SHTN1: variants seen among roughly 807,000 people sequenced by gnomAD.
SHTN1 encodes shootin-1.
A neutral mutation model predicts 83.1 loss-of-function variants in SHTN1; 42 were observed. That is an observed-to-expected ratio of 0.51 (90% CI 0.39 to 0.65). The LOEUF (loss-of-function observed/expected upper bound fraction) is 0.65, where lower values mean the gene tolerates loss of function less well. Ranked by LOEUF, SHTN1 falls within the 30% of genes least tolerant of loss-of-function variation. The pLI is 0.00. For synonymous variants in SHTN1, 224 were observed against 247.7 expected, an observed-to-expected ratio of 0.90 and a Z score of 0.90; for missense variants, 622 against 737.8, an observed-to-expected ratio of 0.84 and a Z score of 1.82.
At chr10:116,920,482 T>C (rs1284653149) in intron 12 of SHTN1, among the ~76,000 whole-genome samples, 2 of 152,134 alleles carry the variant, frequency 1.3e-5, no homozygotes, top group African/African-American at 4.8e-5. Flanking sequence ...TTCATGCATG[T>C]CTCTCTACCC....
intron 16 of SHTN1, among the ~76,000 whole-genome samples, chr10:116,898,767 A>T (rs1564864677): frequency 6.6e-6 from 1 of 152,152 alleles, no homozygotes; most frequent in Non-Finnish European, 1.5e-5. Flanking sequence ...ACAAACAAAA[A>T]AAACACCCTT....
intron 1 of SHTN1, among the ~76,000 whole-genome samples, chr10:117,072,329 G>A (rs1853093510): frequency 6.6e-6 from 1 of 152,178 alleles, no homozygotes; most frequent in Non-Finnish European, 1.5e-5. Flanking sequence ...GGACTAGATT[G>A]CAGCTCCAGC....
At chr10:117,001,548 C>T (rs913497558) in intron 1 of SHTN1, among the ~76,000 whole-genome samples, 1 of 152,084 alleles carries the variant, frequency 6.6e-6, no homozygotes, top group African/African-American at 2.4e-5. Flanking sequence ...TTTCTGAACA[C>T]TCTCCTGGGG....
intron 9 of SHTN1, among the ~76,000 whole-genome samples, chr10:116,935,440 T>C (rs1458459608): frequency 2.0e-5 from 3 of 152,232 alleles, no homozygotes; most frequent in Non-Finnish European, 4.4e-5. Context: ...TTTTTGTCAT[T>C]GGTTCTGTTT....
Position 116,881,840 on chromosome 10 carries a change from T to G in SHTN1, c.*4504A>C, listed in dbSNP as rs1847025600. ...AAATTACATATATGATGTTTTTGCCTGAAATTCTGTGAACTTCGTTTTGCA... is the reference window on the plus strand; with the variant it reads ...AAATTACATATATGATGTTTTTGCCGGAAATTCTGTGAACTTCGTTTTGCA... On this transcript the variant is annotated 3_prime_UTR_variant, in exon 17 of 17. Transcript: ENST00000355371. The G allele has an allele frequency of 4.1e-6, 2 of 491,390 alleles. No homozygotes were observed. The highest frequency in any genetic ancestry group is 6.6e-6 in the Non-Finnish European group (2 of 302,456). 30.4% of individuals were successfully genotyped at this position (491,390 alleles called of 1,614,324 possible). A position where few individuals can be genotyped will look rare whatever the true frequency, so the allele number is the denominator to read the frequency against.
chr10:116,985,367 T>C (rs911074908), intron 1 of SHTN1, among the ~76,000 whole-genome samples: 2 of 152,226 alleles, frequency 1.3e-5, no homozygotes, highest in African/African-American at 4.8e-5. Context: ...ACCAATCTAC[T>C]GACTCCCAGA....
intron 14 of SHTN1, chr10:116,907,943 T>C (rs74161333): frequency 9.7e-6 from 5 of 515,210 alleles, no homozygotes; most frequent in African/African-American, 7.7e-5. Context: ...ATAATTCTAC[T>C]GGCTAAAAAT....
At chr10:116,923,683 G>A (rs755046754) in intron 11 of SHTN1, among the ~76,000 whole-genome samples, 4 of 151,964 alleles carry the variant, frequency 2.6e-5, no homozygotes, top group Non-Finnish European at 4.4e-5. Context: ...AGCCTTTGGA[G>A]TAGCTGGGAC....
Position 116,981,105 on chromosome 10 carries a change from G to C in SHTN1, c.59-1797C>G, listed in dbSNP as rs551765860. 7.4e-4 allele frequency among the ~76,000 whole-genome samples: 112 copies of C among 152,230 alleles called. 2 individuals carry two copies. In the South Asian group the frequency reaches 0.022, roughly 30 times the overall value. ...AGGCCGAGGTGGGCAGATCACTTGA[G>C]GTCAGGAGTTCAAGACCAGCCTGGC... is the stretch of plus-strand genomic sequence containing the variant. On this transcript the variant is annotated intron_variant, in intron 1 of 16. Transcript: ENST00000355371.
chr10:117,008,307 T>G (rs1287027966), upstream of SHTN1, among the ~76,000 whole-genome samples: 2 of 151,948 alleles, frequency 1.3e-5, no homozygotes, highest in Non-Finnish European at 1.5e-5. Context: ...TTATTTAATT[T>G]TTCAGGTAAT....
chr10:117,032,394 G>A (rs186298361), intron 2 of SHTN1, among the ~76,000 whole-genome samples: 135 of 151,978 alleles, frequency 8.9e-4, no homozygotes, highest in Non-Finnish European at 1.3e-3. Context: ...TAGTAGAGAC[G>A]GGGGTTTCAC....
chr10:116,990,749 C>A (rs7101129), intron 1 of SHTN1, among the ~76,000 whole-genome samples: 136,501 of 152,080 alleles, frequency 0.9, 62,978 homozygotes, highest in Non-Finnish European at 1. Context: ...CTTAGTGACT[C>A]CTGTCTCTTT....
intron 1 of SHTN1, among the ~76,000 whole-genome samples, chr10:117,000,285 T>G (rs149013173): frequency 5.3e-5 from 8 of 152,260 alleles, no homozygotes; most frequent in Non-Finnish European, 1.2e-4. Context: ...TTCAGACTGT[T>G]TTGTCAAAAT....
chr10:116,899,508 T>G (rs112996253), intron 16 of SHTN1, among the ~76,000 whole-genome samples: 41 of 65,930 alleles, frequency 6.2e-4, no homozygotes, highest in Middle Eastern at 8.5e-3. Flanking sequence ...CTGGGGCTGG[T>G]GTGTGTGTGT....
At chr10:116,926,787 C>T (rs1848759367) in intron 11 of SHTN1, among the ~76,000 whole-genome samples, 1 of 151,492 alleles carries the variant, frequency 6.6e-6, no homozygotes, top group Non-Finnish European at 1.5e-5. Context: ...AAGCAGCTAA[C>T]ATCATGACAT....
At chr10:116,928,038 T>G (rs1414115576) in intron 10 of SHTN1, 147 bp from the exon 11 acceptor site, 1 of 808,396 alleles carries the variant, frequency 1.2e-6, no homozygotes, top group African/African-American at 1.8e-5. Flanking sequence ...ATTACAGACC[T>G]TTTTAAACTT....
intron 1 of SHTN1, among the ~76,000 whole-genome samples, chr10:117,070,967 T>C (rs764004479): frequency 1.3e-5 from 2 of 151,898 alleles, no homozygotes; most frequent in Non-Finnish European, 2.9e-5. Flanking sequence ...GGATCCAAAA[T>C]AGGCTTAGAG....
chr10:117,123,060 T>C (rs1853954388), intron 1 of SHTN1, among the ~76,000 whole-genome samples: 1 of 152,112 alleles, frequency 6.6e-6, no homozygotes, highest in East Asian at 1.9e-4. Flanking sequence ...TGGAGTGCAA[T>C]GGTGTGATCT....
intron 3 of SHTN1, among the ~76,000 whole-genome samples, chr10:116,963,318 C>T (rs1277624541): frequency 1.3e-5 from 2 of 150,842 alleles, no homozygotes; most frequent in Non-Finnish European, 2.9e-5. Flanking sequence ...GTGATCCGCC[C>T]GCCTCGGCCT....
Sources: gnomAD v4.1 joint callset for allele counts (sites outside exome capture counted in the v4.1 genomes callset) on GRCh38, gnomAD v4.1.1 for gene constraint, MANE v1.5 for transcripts, NCBI Gene and HGNC (gene_info 2026-07-23, HGNC 2026-07-21) for gene names.